CARTPT: variants seen among roughly 807,000 people sequenced by gnomAD.
CARTPT encodes the protein cocaine- and amphetamine-regulated transcript protein.
A neutral mutation model predicts 12.2 loss-of-function variants in CARTPT; 6 were observed. The observed-to-expected ratio is 0.49, with a 90% CI of 0.27 to 0.97. The LOEUF (loss-of-function observed/expected upper bound fraction) is 0.97. CARTPT is among the 50% of genes least tolerant of loss of function. CARTPT has a pLI of 0.12. For missense variants in CARTPT, 135 were observed against 142.0 expected, an observed-to-expected ratio of 0.95 and a Z score of 0.25; for synonymous variants, 75 against 64.1, an observed-to-expected ratio of 1.17 and a Z score of -0.82.
intron 1 of CARTPT, 173 bp from the exon 2 acceptor site, chr5:71,719,707 C>A: frequency 1.3e-6 from 1 of 772,702 alleles, no homozygotes; most frequent in Non-Finnish European, 2.2e-6. Flanking sequence ...GCGGTCAGTA[C>A]CTGGGACAGC....
At position 71,719,767 on chromosome 5, in the gene CARTPT, A is replaced by G. The variant is rs1748668988; in HGVS notation, c.160-113A>G. 4 of 991,058 alleles carry G rather than the reference A, an allele frequency of 4.0e-6. No individual in the cohort carries two copies. The Admixed American group carries it at 7.1e-5, about 18-fold the overall frequency. 61.4% of individuals were successfully genotyped at this position (991,058 alleles called of 1,614,324 possible). On this transcript the variant is annotated intron_variant, in intron 1 of 2. Coordinates refer to ENST00000296777, the MANE Select transcript of CARTPT (RefSeq NM_004291.4). ...CCATTCCCTGTGTCCGCGGAGTCCCACCGCAGAGTGCGTGTGGGTCCGGGG... is the reference window on the plus strand; with the variant it reads ...CCATTCCCTGTGTCCGCGGAGTCCCGCCGCAGAGTGCGTGTGGGTCCGGGG...
chr5:71,720,674 C>A lies in CARTPT; in HGVS notation c.*59C>A, dbSNP rs1009546193. ...CCTCTACTTTCCCCAGAGGACCACA[C>A]CTTCCTCCCTGGAGTTTGGCTTAAG... On this transcript the variant is annotated 3_prime_UTR_variant, in exon 3 of 3. Coordinates refer to ENST00000296777, the MANE Select transcript of CARTPT (RefSeq NM_004291.4). 2.2e-6 allele frequency: 3 copies of A among 1,341,130 alleles called. No homozygotes were observed. The highest frequency in any genetic ancestry group is 3.2e-6 in the Non-Finnish European group (3 of 951,042). The allele number at this position is 1,341,130 out of a possible 1,614,324, so 83.1% of individuals were successfully genotyped here. A position where few individuals can be genotyped will look rare whatever the true frequency, so the allele number is the denominator to read the frequency against.
intron 2 of CARTPT, among the ~76,000 whole-genome samples, chr5:71,720,243 T>G (rs1748680676): frequency 6.6e-6 from 1 of 152,128 alleles, no homozygotes; most frequent in Non-Finnish European, 1.5e-5. Context: ...GATGCTCCCC[T>G]TCCCACGCCC....
At chr5:71,720,082 G>T in intron 2 of CARTPT, 119 bp downstream of exon 2, 1 of 876,582 alleles carries the variant, frequency 1.1e-6, no homozygotes, top group South Asian at 1.4e-5. Flanking sequence ...GGGCTTGCAG[G>T]ATTCTGTGGG....
At position 71,720,584 on chromosome 5, in the gene CARTPT, C is replaced by T; in HGVS notation, c.320C>T (p.Ser107Phe). 6.2e-7 allele frequency: 1 copy of T among 1,611,514 alleles called. No individual in the cohort carries two copies. Among genetic ancestry groups the T allele is most frequent in the Non-Finnish European group, 8.5e-7 (1 of 1,179,090 alleles). ...GKLCDCPRGT[S>F]CNSFLLKCL ...CTGTGTGACTGTCCCCGAGGAACCT[C>T]CTGCAATTCCTTCCTCCTGAAGTGC... The change falls in exon 3 of 3, where the codon TCC (serine) becomes TTC (phenylalanine). Residue 107 changes from serine to phenylalanine, a missense_variant. By Grantham distance (155) the Ser-to-Phe change is radical. Transcript: ENST00000296777.
Position 71,720,812 on chromosome 5 carries a change from G to A in CARTPT, c.*197G>A, listed in dbSNP as rs1294544603. The stretch of plus-strand genomic sequence containing the variant: ...TGTGAAGAATAATGCCTTGTATGGT[G>A]TTGATACGTGTGTGAAGTATTCTTA... On this transcript the variant is annotated 3_prime_UTR_variant, in exon 3 of 3. Transcript: ENST00000296777. 5 of 592,468 alleles carry A rather than the reference G, an allele frequency of 8.4e-6. No individual in the cohort carries two copies. The highest frequency in any genetic ancestry group is 1.5e-5 in the Non-Finnish European group (5 of 330,914). The allele number at this position is 592,468 out of a possible 1,614,324, so 36.7% of individuals were successfully genotyped here. A position where few individuals can be genotyped will look rare whatever the true frequency, so the allele number is the denominator to read the frequency against.
In CARTPT at chr5:71,720,732, G is replaced by A; in HGVS notation, c.*117G>A. On this transcript the variant is annotated 3_prime_UTR_variant, in exon 3 of 3. Transcript: ENST00000296777. ...TAAAGTTTTTATTTTCCTCTGAAGG[G>A]AAAGGGCTCTTTTCCTGCTGTTTCA... 1.3e-6 allele frequency: 1 copy of A among 792,060 alleles called. No homozygotes were observed. Among genetic ancestry groups the A allele is most frequent in the Non-Finnish European group, 2.2e-6 (1 of 457,160 alleles). The allele number at this position is 792,060 out of a possible 1,614,324, so 49.1% of individuals were successfully genotyped here.
In CARTPT at chr5:71,720,609, C is replaced by T. The variant is rs1748688620; in HGVS notation, c.345C>T (p.Cys115=). The T allele has an allele frequency of 6.2e-7, 1 of 1,605,860 alleles. No individual in the cohort carries two copies. Among genetic ancestry groups the T allele is most frequent in the Admixed American group, 1.7e-5 (1 of 59,036 alleles). ...GTSCNSFLLK[C]L ...CCTGCAATTCCTTCCTCCTGAAGTG[C>T]TTATGAAGGGGCGTCCATTCTCCTC... is the stretch of plus-strand genomic sequence containing the variant. Residue 115 remains cysteine, a synonymous_variant, in exon 3 of 3, where the codon TGC becomes TGT. Coordinates refer to ENST00000296777, the MANE Select transcript of CARTPT (RefSeq NM_004291.4).
chr5:71,719,925 G>A lies in CARTPT; in HGVS notation c.205G>A (p.Val69Ile), dbSNP rs1328391830. 2.5e-6 allele frequency: 4 copies of A among 1,614,112 alleles called. No homozygotes were observed. Among genetic ancestry groups the A allele is most frequent in the Non-Finnish European group, 3.4e-6 (4 of 1,180,060 alleles). Residue 69 changes from valine to isoleucine, a missense_variant, in exon 2 of 3, where the codon GTT becomes ATT. By Grantham distance (29) the Val-to-Ile change is conservative. Coordinates refer to ENST00000296777, the MANE Select transcript of CARTPT (RefSeq NM_004291.4). ...EVLKKLKSKR[V>I]PIYEKKYGQV... is the part of the protein sequence containing the mutation. ...CTTGAAGAAGCTCAAGAGTAAACGT[G>A]TTCCCATCTATGAGAAGAAGTATGG...
chr5:71,719,833 C>A, intron 1 of CARTPT, 47 bp from the exon 2 acceptor site: 1 of 1,574,936 alleles, frequency 6.3e-7, no homozygotes, highest in Non-Finnish European at 8.7e-7. Flanking sequence ...CTGGGCTGGG[C>A]TCGCAGCCAA....
chr5:71,719,324 C>T lies in CARTPT; in HGVS notation c.31C>T (p.Leu11Phe), dbSNP rs142927190. Reference sequence around the variant, plus strand: ...GAGCTCCCGCGTGAGGCTGCTGCCCCTCCTGGGCGCCGCCCTGCTGCTGAT... The same window carrying T: ...GAGCTCCCGCGTGAGGCTGCTGCCCTTCCTGGGCGCCGCCCTGCTGCTGAT... MESSRVRLLPLLGAALLLMLP... is the reference protein window; with the variant it reads MESSRVRLLPFLGAALLLMLP... Residue 11 changes from leucine (L) to phenylalanine (F), a missense_variant, in exon 1 of 3, where the codon CTC becomes TTC. Transcript: ENST00000296777. 6 of 1,613,522 alleles carry T rather than the reference C, an allele frequency of 3.7e-6. No individual in the cohort carries two copies. The highest frequency in any genetic ancestry group is 5.1e-6 in the Non-Finnish European group (6 of 1,180,032).
intron 1 of CARTPT, 36 bp downstream of exon 1, chr5:71,719,488 G>T (rs1465450990): frequency 6.2e-7 from 1 of 1,612,548 alleles, no homozygotes. Flanking sequence ...CCCTTGAGCT[G>T]TCGCCTTGTC....
intron 1 of CARTPT, 90 bp downstream of exon 1, chr5:71,719,542 T>G: frequency 4.1e-6 from 6 of 1,468,718 alleles, no homozygotes; most frequent in Non-Finnish European, 5.7e-6. Context: ...CCCACTCCTA[T>G]TCCCAGAGTC....
intron 1 of CARTPT, 21 bp downstream of exon 1, chr5:71,719,473 C>T: frequency 1.2e-6 from 2 of 1,613,832 alleles, no homozygotes; most frequent in Non-Finnish European, 1.7e-6. Context: ...CCCTCGCTCT[C>T]GACCCCCTTG....
intron 2 of CARTPT, 68 bp from the exon 3 acceptor site, chr5:71,720,440 C>T (rs1460407184): frequency 3.6e-6 from 5 of 1,397,184 alleles, no homozygotes; most frequent in African/African-American, 1.4e-5. Context: ...ATTGCGTTGA[C>T]TGTGAGACTT....
chr5:71,719,761 A>T, intron 1 of CARTPT, 119 bp from the exon 2 acceptor site: 1 of 930,392 alleles, frequency 1.1e-6, no homozygotes, highest in South Asian at 1.3e-5. Flanking sequence ...GTGTCCGCGG[A>T]GTCCCACCGC....
In CARTPT at chr5:71,720,895, G is replaced by A. The variant is rs1316063239; in HGVS notation, c.*280G>A. The A allele has an allele frequency of 2.2e-5, 9 of 413,200 alleles. No individual in the cohort carries two copies. Among genetic ancestry groups the A allele is most frequent in the Non-Finnish European group, 4.0e-5 (9 of 223,884 alleles). 25.6% of individuals were successfully genotyped at this position (413,200 alleles called of 1,614,324 possible). ...TGTGTAAAGAAGGGAAGCTTTGTTT[G>A]AAAATTGTATTTTTGTATGTGGCAT... On this transcript the variant is annotated 3_prime_UTR_variant, in exon 3 of 3. Coordinates refer to ENST00000296777, the MANE Select transcript of CARTPT (RefSeq NM_004291.4).
chr5:71,719,684 G>T (rs536547640), intron 1 of CARTPT, 196 bp from the exon 2 acceptor site: 3 of 746,152 alleles, frequency 4.0e-6, no homozygotes, highest in Non-Finnish European at 6.8e-6. Context: ...GGACCCCAGC[G>T]GCTCAGAGAC....
Position 71,720,902 on chromosome 5 carries a change from G to A in CARTPT, c.*287G>A, listed in dbSNP as rs1302133199. On this transcript the variant is annotated 3_prime_UTR_variant, in exon 3 of 3. Transcript: ENST00000296777. The stretch of plus-strand genomic sequence containing the variant: ...AGAAGGGAAGCTTTGTTTGAAAATT[G>A]TATTTTTGTATGTGGCATGGCAGAA... The A allele has an allele frequency of 2.5e-6, 1 of 398,394 alleles. No homozygotes were observed. Among genetic ancestry groups the A allele is most frequent in the African/African-American group, 2.0e-5 (1 of 49,022 alleles). 24.7% of individuals were successfully genotyped at this position (398,394 alleles called of 1,614,324 possible).
Sources: gnomAD v4.1 joint callset for allele counts (sites outside exome capture counted in the v4.1 genomes callset) on GRCh38, gnomAD v4.1.1 for gene constraint, MANE v1.5 for transcripts, NCBI Gene and HGNC (gene_info 2026-07-23, HGNC 2026-07-21) for gene names.